The following CAMSAP1 variants were observed in gnomAD, a reference collection of about 807,000 sequenced individuals.
CAMSAP1 encodes calmodulin regulated spectrin associated protein 1.
Under a neutral mutation model 143.5 loss-of-function variants are expected in CAMSAP1, and 58 were observed. That is an observed-to-expected ratio of 0.40 (90% CI 0.33 to 0.50). The LOEUF is 0.50. CAMSAP1 is among the 20% of genes least tolerant of loss of function. The pLI is 0.45. For synonymous variants in CAMSAP1, 945 were observed against 859.3 expected, an observed-to-expected ratio of 1.10 and a Z score of -1.74; for missense variants, 1,969 against 2,115.7, an observed-to-expected ratio of 0.93 and a Z score of 1.36.
intron 3 of CAMSAP1, among the ~76,000 whole-genome samples, chr9:135,871,348 T>C (rs1837564765): frequency 6.6e-6 from 1 of 151,988 alleles, no homozygotes; most frequent in African/African-American, 2.4e-5. Flanking sequence ...ACCACCATGC[T>C]TGGCTAATTT....
Position 135,818,899 on chromosome 9 carries a change from C to T in CAMSAP1, c.3959+111G>A. ...TGGTCCATGGGAGGAGTAAGACCGT[C>T]ACAGGCACTCATTGCCATGGTCCAT... is the stretch of plus-strand genomic sequence containing the variant. On this transcript the variant is annotated intron_variant, in intron 12 of 16. Coordinates refer to ENST00000389532, the MANE Select transcript of CAMSAP1 (RefSeq NM_015447.4). The surrounding 1 kb of genome is among the most constrained non-coding windows in gnomAD (Gnocchi z 7.7). 12 of 1,476,912 alleles carry T rather than the reference C, an allele frequency of 8.1e-6. No homozygotes were observed. The Admixed American group carries it at 2.4e-4, about 30-fold the overall frequency. 91.5% of individuals were successfully genotyped at this position (1,476,912 alleles called of 1,614,324 possible).
At chr9:135,851,673 G>A (rs977390886) in intron 5 of CAMSAP1, among the ~76,000 whole-genome samples, 1 of 152,136 alleles carries the variant, frequency 6.6e-6, no homozygotes, top group African/African-American at 2.4e-5. Flanking sequence ...TACATTCATG[G>A]TATCAAGCTA....
intron 3 of CAMSAP1, among the ~76,000 whole-genome samples, chr9:135,878,198 G>A (rs1315466127): frequency 2.0e-5 from 3 of 152,208 alleles, no homozygotes; most frequent in African/African-American, 7.2e-5. Context: ...AGGAGGAGAC[G>A]GGTGAGCGGC....
chr9:135,864,615 C>T (rs978547833), intron 4 of CAMSAP1, among the ~76,000 whole-genome samples: 3 of 152,198 alleles, frequency 2.0e-5, no homozygotes, highest in African/African-American at 7.2e-5. Flanking sequence ...GGCCTGGTAA[C>T]AAACTGGCTC....
In CAMSAP1 at chr9:135,827,475, C is replaced by A. The variant is rs773800509; in HGVS notation, c.1155G>T (p.Gln385His). The A allele has an allele frequency of 3.1e-6, 5 of 1,610,482 alleles. No homozygotes were observed. Among genetic ancestry groups the A allele is most frequent in the South Asian group, 2.2e-5 (2 of 90,900 alleles). The change falls in exon 8 of 17, where the codon CAG (glutamine) becomes CAT (histidine). Residue 385 changes from glutamine to histidine, a missense_variant. Physicochemically the swap from Gln to His is conservative, Grantham distance 24. Around this residue, in one of 4 missense-constraint regions of CAMSAP1, gnomAD observed 1,390 missense variants for 1,420.8 expected, o/e 0.98. Coordinates refer to ENST00000389532, the MANE Select transcript of CAMSAP1 (RefSeq NM_015447.4). ...CTTCCGCCGGCAGCTGCACGGGGGGCTGCAGCTCAGCCAGGGTCCCTGCAG... is the reference window on the plus strand; with the variant it reads ...CTTCCGCCGGCAGCTGCACGGGGGGATGCAGCTCAGCCAGGGTCCCTGCAG... ...SPAAGTLAEL[Q>H]PPVQLPAEGC...
chr9:135,850,848 G>C (rs773543715), intron 5 of CAMSAP1, among the ~76,000 whole-genome samples: 45 of 152,220 alleles, frequency 3.0e-4, no homozygotes, highest in Non-Finnish European at 6.3e-4. Flanking sequence ...AGGTTTCCGT[G>C]TTTGTAAAGG....
intron 1 of CAMSAP1, among the ~76,000 whole-genome samples, chr9:135,889,811 G>A (rs1297390957): frequency 6.6e-6 from 1 of 152,186 alleles, no homozygotes; most frequent in African/African-American, 2.4e-5. Flanking sequence ...CTCTGCACCT[G>A]AGGCCCGGCC....
At chr9:135,891,281 G>T (rs1422920605) in intron 1 of CAMSAP1, among the ~76,000 whole-genome samples, 1 of 152,210 alleles carries the variant, frequency 6.6e-6, no homozygotes, top group African/African-American at 2.4e-5. Context: ...CTAGGCACGG[G>T]GTAAGGAAGG....
At chr9:135,832,392 G>C (rs2891693) in intron 7 of CAMSAP1, among the ~76,000 whole-genome samples, 2 of 151,828 alleles carry the variant, frequency 1.3e-5, no homozygotes, top group Non-Finnish European at 2.9e-5. Flanking sequence ...ACTCTACACA[G>C]AACAGGTATA....
At chr9:135,839,109 T>C (rs1836243570) in intron 7 of CAMSAP1, among the ~76,000 whole-genome samples, 1 of 152,226 alleles carries the variant, frequency 6.6e-6, no homozygotes, top group Non-Finnish European at 1.5e-5. Flanking sequence ...ACTTTCTACT[T>C]GGTTCGGCGC....
Position 135,826,719 on chromosome 9 carries a change from T to C in CAMSAP1, c.1223+688A>G, listed in dbSNP as rs532251963. Reference sequence around the variant, plus strand: ...GTTAAAAATGTTTCTCCACTTTCGGTGTGCTAACTGGCTCCAGGCTGGCAT... The same window carrying C: ...GTTAAAAATGTTTCTCCACTTTCGGCGTGCTAACTGGCTCCAGGCTGGCAT... On this transcript the variant is annotated intron_variant, in intron 8 of 16. Coordinates refer to ENST00000389532, the MANE Select transcript of CAMSAP1 (RefSeq NM_015447.4). The surrounding 1 kb of genome is among the most constrained non-coding windows in gnomAD (Gnocchi z 4.4). Among the ~76,000 whole-genome samples the C allele has an allele frequency of 3.9e-5, 6 of 152,328 alleles. No homozygotes were observed. The highest frequency in any genetic ancestry group is 2.6e-4 in the Admixed American group (4 of 15,308).
At chr9:135,872,330 C>A (rs1265017946) in intron 3 of CAMSAP1, among the ~76,000 whole-genome samples, 1 of 152,052 alleles carries the variant, frequency 6.6e-6, no homozygotes, top group African/African-American at 2.4e-5. Flanking sequence ...GCTATTTGTG[C>A]AATGGCATCA....
intron 3 of CAMSAP1, 25 bp downstream of exon 3, chr9:135,881,608 C>T (rs1837951293): frequency 1.3e-6 from 2 of 1,551,180 alleles, no homozygotes; most frequent in African/African-American, 2.7e-5. Context: ...CAGAGTCACA[C>T]ACCACATCTA....
chr9:135,823,800 T>C (rs1302462050), intron 10 of CAMSAP1, 150 bp downstream of exon 10: 1 of 655,730 alleles, frequency 1.5e-6, no homozygotes, highest in African/African-American at 1.8e-5. Context: ...GGCAGTAACT[T>C]CCTAGTGTTG....
intron 3 of CAMSAP1, among the ~76,000 whole-genome samples, chr9:135,880,654 C>T (rs1837913947): frequency 6.6e-6 from 1 of 152,214 alleles, no homozygotes; most frequent in Admixed American, 6.5e-5. Context: ...GGAGCACCGG[C>T]CTGGCTCTGC....
Position 135,822,006 on chromosome 9 carries a change from C to T in CAMSAP1, c.2655G>A (p.Leu885=). Residue 885 remains leucine (L), a synonymous_variant, in exon 11 of 17, where the codon CTG becomes CTA. Coordinates refer to ENST00000389532, the MANE Select transcript of CAMSAP1 (RefSeq NM_015447.4). The surrounding 1 kb of genome is among the most constrained non-coding windows in gnomAD (Gnocchi z 6.1). ...CCTCGATGGCCCTGCGCTTCTCCTC[C>T]AGCTGCATGTGCAGCTGTACCAGCT... is the stretch of plus-strand genomic sequence containing the variant. ...ASELVQLHMQ[L]EEKRRAIEAQ... 1 of 1,613,074 alleles carries T rather than the reference C, an allele frequency of 6.2e-7. No individual in the cohort carries two copies. Among genetic ancestry groups the T allele is most frequent in the African/African-American group, 1.3e-5 (1 of 75,072 alleles).
In CAMSAP1 at chr9:135,821,727, GCT is replaced by G; in HGVS notation, c.2932_2933del (p.Ser978ProfsTer8). 1 of 1,614,020 alleles carries G rather than the reference GCT, an allele frequency of 6.2e-7. No individual in the cohort carries two copies. The highest frequency in any genetic ancestry group is 8.5e-7 in the Non-Finnish European group (1 of 1,179,884). On this transcript the variant is annotated frameshift_variant, in exon 11 of 17. Transcript: ENST00000389532. LOFTEE classifies it high-confidence loss of function. The surrounding 1 kb of genome is among the most constrained non-coding windows in gnomAD (Gnocchi z 4.6). ...LHEPQDVDKE[S>X]LAFAQQHKAK... ...CTTTATGTTGCTGAGCAAAGGCCAG[GCT>G]CTCTTTGTCCACATCCTGTGGCTCG...
rs1835618862 is a variant in CAMSAP1, at chr9:135,824,883, A to T, written c.1224-3T>A. 1 of 1,577,778 alleles carries T rather than the reference A, an allele frequency of 6.3e-7. No individual in the cohort carries two copies. Among genetic ancestry groups the T allele is most frequent in the East Asian group, 2.3e-5 (1 of 43,972 alleles). ...TGAAGGCAGCAGTTCCTTTCCCGCT[A>T]AATGGAAAAAGAATTACAGGGAAAA... On this transcript the variant is annotated splice_region_variant and splice_polypyrimidine_tract_variant and intron_variant, in intron 8 of 16. Transcript: ENST00000389532. This position sits in a 1 kb window ranked among gnomAD's most constrained non-coding sequence, Gnocchi z 4.1.
intron 3 of CAMSAP1, among the ~76,000 whole-genome samples, chr9:135,868,557 C>CA (rs1285427024): frequency 6.0e-5 from 9 of 150,360 alleles, no homozygotes; most frequent in African/African-American, 2.2e-4. Context: ...TTTCTGCCAC[C>CA]AAAAGCTAGA....
Sources: gnomAD v4.1 joint callset for allele counts (sites outside exome capture counted in the v4.1 genomes callset) on GRCh38, gnomAD v4.1.1 for gene constraint, gnomAD v4.1.1 regional missense constraint, Gnocchi (gnomAD v3.1) non-coding constraint, MANE v1.5 for transcripts, NCBI Gene and HGNC (gene_info 2026-07-23, HGNC 2026-07-21) for gene names.